PROCR: variants seen among roughly 807,000 people sequenced by gnomAD.
PROCR encodes the protein protein C receptor.
A neutral mutation model predicts 24.2 loss-of-function variants in PROCR; 22 were observed. The observed-to-expected ratio is 0.91, with a 90% CI of 0.65 to 1.30. The LOEUF (loss-of-function observed/expected upper bound fraction) is 1.30, where lower values mean the gene tolerates loss of function less well. Ranked by LOEUF, PROCR falls within the 50% of genes most tolerant of loss-of-function variation. PROCR has a pLI of 0.00. For missense variants in PROCR, 288 were observed against 307.7 expected (o/e 0.94, Z 0.48); for synonymous variants, 137 against 139.2 (o/e 0.98, Z 0.11).
At chr20:35,204,122 A>C (rs1337651985) in intron 1 of PROCR, among the ~76,000 whole-genome samples, 1 of 152,194 alleles carries the variant, frequency 6.6e-6, no homozygotes, top group African/African-American at 2.4e-5. Context: ...AGATATTAAA[A>C]GGATAATAAG....
At chr20:35,189,304 C>T (rs1367834461) in intron 1 of PROCR, among the ~76,000 whole-genome samples, 1 of 151,896 alleles carries the variant, frequency 6.6e-6, no homozygotes, top group East Asian at 1.9e-4. Flanking sequence ...GGAGGGGTGT[C>T]TGCCTTATGC....
At chr20:35,209,294 G>C (rs1233515261) in intron 1 of PROCR, among the ~76,000 whole-genome samples, 1 of 152,196 alleles carries the variant, frequency 6.6e-6, no homozygotes, top group African/African-American at 2.4e-5. Context: ...CAACTGGGCA[G>C]ATAGAGCACT....
At chr20:35,188,360 G>C (rs1427534214) in intron 1 of PROCR, among the ~76,000 whole-genome samples, 2 of 152,200 alleles carry the variant, frequency 1.3e-5, no homozygotes, top group Non-Finnish European at 2.9e-5. Flanking sequence ...TGTACTGAAA[G>C]AAAGAGATCT....
intron 1 of PROCR, among the ~76,000 whole-genome samples, chr20:35,206,190 C>G (rs1490792383): frequency 6.6e-6 from 1 of 151,488 alleles, no homozygotes; most frequent in Non-Finnish European, 1.5e-5. Context: ...ATAAAGAACC[C>G]TCAGTAGGGC....
At position 35,211,739 on chromosome 20, in the gene PROCR, C is replaced by T. The variant is rs146700262; in HGVS notation, c.95-4154C>T. Among the ~76,000 whole-genome samples, 471 of 152,174 alleles carry T rather than the reference C, an allele frequency of 3.1e-3. 6 individuals are homozygous for T. Among genetic ancestry groups the T allele is most frequent in the Non-Finnish European group, 2.8e-3 (192 of 68,000 alleles). Reference sequence around the variant, plus strand: ...TATAAAAACACTGTGATCGGCTGGGCGTGGTGGCTCACGCCTGTAATATCA... The same window carrying T: ...TATAAAAACACTGTGATCGGCTGGGTGTGGTGGCTCACGCCTGTAATATCA... On this transcript the variant is annotated intron_variant, in intron 1 of 1. Coordinates refer to the PROCR transcript ENST00000634509.
chr20:35,179,116 C>T (rs1249450353), downstream of PROCR, among the ~76,000 whole-genome samples: 1 of 150,542 alleles, frequency 6.6e-6, no homozygotes, highest in Non-Finnish European at 1.5e-5. Context: ...GCCTGTAGTC[C>T]CAGCTCCTCG....
At chr20:35,205,500 C>T (rs2060334909) in intron 1 of PROCR, among the ~76,000 whole-genome samples, 1 of 149,212 alleles carries the variant, frequency 6.7e-6, no homozygotes, top group Non-Finnish European at 1.5e-5. Context: ...ACCTATAATC[C>T]CAGCACTTTG....
intron 1 of PROCR, among the ~76,000 whole-genome samples, chr20:35,210,243 A>G (rs1391614441): frequency 6.6e-6 from 1 of 152,064 alleles, no homozygotes; most frequent in Non-Finnish European, 1.5e-5. Context: ...ATAAATAAAT[A>G]AAATTTTTAA....
In PROCR at chr20:35,190,900, G is replaced by A. The variant is rs151217777; in HGVS notation, c.94+14454G>A. Reference sequence around the variant, plus strand: ...TTTTGAGACAGAGTCTCGCTCCGTCGCCAGGCTGGAGTGCAGTGGTGTGAT... The same window carrying A: ...TTTTGAGACAGAGTCTCGCTCCGTCACCAGGCTGGAGTGCAGTGGTGTGAT... On this transcript the variant is annotated intron_variant, in intron 1 of 1. Transcript: ENST00000634509. 8.3e-3 allele frequency among the ~76,000 whole-genome samples: 1,266 copies of A among 152,058 alleles called. 8 individuals are homozygous for A. Among genetic ancestry groups the A allele is most frequent in the African/African-American group, 0.029 (1,204 of 41,490 alleles).
chr20:35,215,794 G>A (rs2146186693), intron 1 of PROCR: 1 of 847,240 alleles, frequency 1.2e-6, no homozygotes, highest in Non-Finnish European at 1.4e-6. Flanking sequence ...ACTGTTAGCT[G>A]CTGAAATAGG....
chr20:35,205,129 T>C (rs6060307), intron 1 of PROCR, among the ~76,000 whole-genome samples: 119,735 of 151,478 alleles, frequency 0.79, 47,688 homozygotes, highest in African/African-American at 0.88. Flanking sequence ...AAAAATTAGC[T>C]GGGTATGGTG....
chr20:35,178,871 A>T (rs1353986926), downstream of PROCR, among the ~76,000 whole-genome samples: 1 of 151,442 alleles, frequency 6.6e-6, no homozygotes, highest in Non-Finnish European at 1.5e-5. Context: ...CAAAGGGTCT[A>T]AGAAAAACAA....
intron 1 of PROCR, among the ~76,000 whole-genome samples, chr20:35,186,960 A>T (rs984146702): frequency 7.2e-5 from 11 of 152,070 alleles, no homozygotes; most frequent in African/African-American, 2.7e-4. Context: ...CTCAAAAAAA[A>T]AAAAGAAAAA....
At chr20:35,174,658 C>T in intron 1 of PROCR, 44 bp from the exon 2 acceptor site, 1 of 1,612,188 alleles carries the variant, frequency 6.2e-7, no homozygotes, top group South Asian at 1.1e-5. Context: ...CTGCCCGCCG[C>T]CCCCTCCCAC....
At chr20:35,173,428 T>TC (rs1208922332) in intron 1 of PROCR, among the ~76,000 whole-genome samples, 1 of 114,972 alleles carries the variant, frequency 8.7e-6, no homozygotes, top group African/African-American at 5.8e-5. Flanking sequence ...TTTTTCTTTT[T>TC]TTTTTTTTTT....
intron 1 of PROCR, among the ~76,000 whole-genome samples, chr20:35,197,368 CA>C (rs1327520382): frequency 3.9e-5 from 6 of 152,120 alleles, no homozygotes; most frequent in Non-Finnish European, 7.3e-5. Flanking sequence ...TATAAGATGG[CA>C]AACCTATAGT....
intron 1 of PROCR, among the ~76,000 whole-genome samples, chr20:35,192,394 C>T (rs1286173453): frequency 6.6e-6 from 1 of 152,196 alleles, no homozygotes; most frequent in African/African-American, 2.4e-5. Flanking sequence ...CAGAGCCACA[C>T]TCTCTTACAG....
chr20:35,211,295 G>T (rs908901546), intron 1 of PROCR, among the ~76,000 whole-genome samples: 3 of 152,190 alleles, frequency 2.0e-5, no homozygotes, highest in Non-Finnish European at 4.4e-5. Context: ...GCCCTAATGA[G>T]ATTGCACCTC....
rs571955568 is a variant in PROCR at position 35,174,524 on chromosome 20, C to T, written c.71-178C>T. 12 of 772,038 alleles carry T rather than the reference C, an allele frequency of 1.6e-5. No homozygotes were observed. In the East Asian group the frequency reaches 2.7e-4, roughly 17 times the overall value. 47.8% of individuals were successfully genotyped at this position (772,038 alleles called of 1,614,324 possible). On this transcript the variant is annotated intron_variant, in intron 1 of 3. Transcript: ENST00000216968. Reference sequence around the variant, plus strand: ...GTAAAACGGAGATAATAATCCCTGTCCTGTCCTCCTGGCAGAGTTACTGTC... The same window carrying T: ...GTAAAACGGAGATAATAATCCCTGTTCTGTCCTCCTGGCAGAGTTACTGTC...
Sources: gnomAD v4.1 joint callset for allele counts (sites outside exome capture counted in the v4.1 genomes callset) on GRCh38, gnomAD v4.1.1 for gene constraint, MANE v1.5 for transcripts, NCBI Gene and HGNC (gene_info 2026-07-23, HGNC 2026-07-21) for gene names.